The following TRERF1 variants were observed in gnomAD, a reference collection of about 807,000 sequenced individuals.
TRERF1 encodes the protein transcriptional regulating factor 1, also known as transcriptional-regulating factor 1.
A neutral mutation model predicts 122.9 loss-of-function variants in TRERF1; 27 were observed. That is an observed-to-expected ratio of 0.22 (90% CI 0.16 to 0.30). TRERF1 has a LOEUF of 0.30. TRERF1 is among the 10% of genes least tolerant of loss of function. The pLI is 1.00. For synonymous variants in TRERF1, 636 were observed against 641.7 expected (o/e 0.99, Z 0.13); for missense variants, 1,248 against 1,560.3 (o/e 0.80, Z 3.37).
rs753705174 is a variant in TRERF1 at position 42,264,730 on chromosome 6, T to C, written c.1609A>G (p.Met537Val). Residue 537 changes from methionine (M) to valine (V), a missense_variant, in exon 7 of 18, where the codon ATG (methionine) becomes GTG (valine). Met to Val is a conservative substitution (Grantham distance 21). Around this residue, in one of 5 missense-constraint regions of TRERF1, gnomAD observed 946 missense variants for 1,073.0 expected, o/e 0.88. Coordinates refer to ENST00000372922, the Ensembl canonical transcript of TRERF1. ...TGTTTGAGGTTGGGGGAGGCCCTCA[T>C]TCCCCCGTGGGACCGCATGTGGCCA... 9 of 1,614,008 alleles carry C rather than the reference T, an allele frequency of 5.6e-6. No individual in the cohort carries two copies. The Admixed American group carries it at 1.3e-4, about 24-fold the overall frequency.
chr6:42,286,795 T>C (rs1438816720), intron 4 of TRERF1, among the ~76,000 whole-genome samples: 2 of 131,980 alleles, frequency 1.5e-5, no homozygotes, highest in Non-Finnish European at 3.2e-5. Context: ...TTACTGGGTA[T>C]ATACCCAAAG....
At chr6:42,254,926 C>T in exon 13 of TRERF1, 4 of 1,614,092 alleles carry the variant, frequency 2.5e-6, no homozygotes, top group Non-Finnish European at 2.5e-6. Context: ...TCCAGAGCAA[C>T]CTGCAGACCC....
At chr6:42,429,161 A>T (rs999992331) in intron 2 of TRERF1, among the ~76,000 whole-genome samples, 2 of 152,214 alleles carry the variant, frequency 1.3e-5, no homozygotes, top group Non-Finnish European at 2.9e-5. Context: ...TTCTCTAGTG[A>T]CAGTATTCCT....
chr6:42,298,341 AG>A (rs1785457538), intron 4 of TRERF1, among the ~76,000 whole-genome samples: 1 of 151,260 alleles, frequency 6.6e-6, no homozygotes, highest in African/African-American at 2.4e-5. Flanking sequence ...TTTTTAGTAG[AG>A]ATGGGGTTTC....
chr6:42,436,899 C>T (rs1041074283), intron 2 of TRERF1, among the ~76,000 whole-genome samples: 1 of 144,936 alleles, frequency 6.9e-6, no homozygotes, highest in Non-Finnish European at 1.5e-5. Context: ...AGTCTTAACA[C>T]TAACAAAGCT....
intron 8 of TRERF1, among the ~76,000 whole-genome samples, chr6:42,262,741 T>A (rs2149827859): frequency 6.6e-6 from 1 of 152,332 alleles, no homozygotes; most frequent in Non-Finnish European, 1.5e-5. Context: ...TCAGTGGAAC[T>A]ACTTTGGGAA....
intron 3 of TRERF1, among the ~76,000 whole-genome samples, chr6:42,353,448 C>T (rs562391936): frequency 6.6e-6 from 1 of 151,976 alleles, no homozygotes; most frequent in East Asian, 1.9e-4. Context: ...ATCAGCTAGG[C>T]GTGGTGGCGG....
chr6:42,336,926 C>T (rs985674523), intron 3 of TRERF1, among the ~76,000 whole-genome samples: 1 of 152,180 alleles, frequency 6.6e-6, no homozygotes, highest in Non-Finnish European at 1.5e-5. Flanking sequence ...ATGGCATGAT[C>T]GTGGCTCCGG....
At chr6:42,238,835 T>TCACACA (rs58223539) in intron 15 of TRERF1, among the ~76,000 whole-genome samples, 10,768 of 142,988 alleles carry the variant, frequency 0.075, 435 homozygotes, top group Admixed American at 0.13. Context: ...ATCATGCATT[T>TCACACA]CACACACACA....
rs1308920222 is a variant in TRERF1, at chr6:42,277,897, AG to A, written c.-258-8050del. On this transcript the variant is annotated intron_variant, in intron 4 of 17. Transcript: ENST00000372922. Reference sequence around the variant, plus strand: ...AAGAAGGAAGAAGGAAGAAGGAAGAAGGAAGAAGGAAGAAGAAGAAGAAGAA... The same window carrying A: ...AAGAAGGAAGAAGGAAGAAGGAAGAAGAAGAAGGAAGAAGAAGAAGAAGAA... 1.1e-3 allele frequency among the ~76,000 whole-genome samples: 123 copies of A among 114,272 alleles called. 3 individuals are homozygous for A. Among genetic ancestry groups the A allele is most frequent in the African/African-American group, 3.0e-3 (80 of 26,634 alleles). The allele number at this position is 114,272 out of a possible 152,430, so 75.0% of individuals were successfully genotyped here.
chr6:42,330,199 A>T (rs1323792123), intron 3 of TRERF1, among the ~76,000 whole-genome samples: 1 of 152,236 alleles, frequency 6.6e-6, no homozygotes, highest in Non-Finnish European at 1.5e-5. Context: ...TGGCATGAAC[A>T]CACAAGAAAT....
chr6:42,241,119 C>T (rs903110800), intron 15 of TRERF1, among the ~76,000 whole-genome samples: 7 of 152,202 alleles, frequency 4.6e-5, no homozygotes, highest in East Asian at 1.9e-4. Flanking sequence ...CTCCTGACCT[C>T]GTGATCCACC....
At position 42,262,434 on chromosome 6, in the gene TRERF1, C is replaced by CAGAGAG. The variant is rs71778190; in HGVS notation, c.1884+880_1884+885dup. On this transcript the variant is annotated intron_variant, in intron 8 of 17. Transcript: ENST00000372922. ...ACACAGGTCACAAATTCCCTAGGGGCAGAGAGAGAGAGAGAGAGAGAGAGA... is the reference window on the plus strand; with the variant it reads ...ACACAGGTCACAAATTCCCTAGGGGCAGAGAGAGAGAGAGAGAGAGAGAGAGAGAGA... Among the ~76,000 whole-genome samples, 20 of 22,554 alleles carry CAGAGAG rather than the reference C, an allele frequency of 8.9e-4. 1 individual carries two copies. Among genetic ancestry groups the CAGAGAG allele is most frequent in the South Asian group, 5.0e-3 (3 of 604 alleles). 14.8% of individuals were successfully genotyped at this position (22,554 alleles called of 152,430 possible).
intron 2 of TRERF1, among the ~76,000 whole-genome samples, chr6:42,436,800 CAA>C (rs775861205): frequency 0.11 from 8,289 of 76,458 alleles, 389 homozygotes; most frequent in East Asian, 0.13. Context: ...TCTCCCTCTA[CAA>C]AAAAAAAAAA....
chr6:42,232,632 C>T lies in TRERF1; in HGVS notation c.3278+49G>A, dbSNP rs559525701. The T allele has an allele frequency of 7.4e-5, 113 of 1,521,744 alleles. No individual in the cohort carries two copies. Among genetic ancestry groups the T allele is most frequent in the South Asian group, 4.8e-4 (37 of 77,770 alleles). 94.3% of individuals were successfully genotyped at this position (1,521,744 alleles called of 1,614,324 possible). On this transcript the variant is annotated intron_variant, in intron 17 of 17. Coordinates refer to ENST00000372922, the Ensembl canonical transcript of TRERF1. This position sits in a 1 kb window ranked among gnomAD's most constrained non-coding sequence, Gnocchi z 4.5. ...CCATCCTGGCCCAGCTCCCATAGAG[C>T]GACTACCCATCATGAACTCAGATTC...
chr6:42,339,734 T>C (rs1766886757), intron 3 of TRERF1, among the ~76,000 whole-genome samples: 1 of 152,190 alleles, frequency 6.6e-6, no homozygotes, highest in East Asian at 1.9e-4. Context: ...CCTGAACAAG[T>C]AGCTCTCCTG....
chr6:42,319,679 T>TGGGG (rs1763065978), intron 3 of TRERF1, among the ~76,000 whole-genome samples: 1 of 151,556 alleles, frequency 6.6e-6, no homozygotes, highest in Non-Finnish European at 1.5e-5. Context: ...AAAAATTAAC[T>TGGGG]GGGTGTGATG....
chr6:42,260,954 T>C (rs943050998), intron 8 of TRERF1, among the ~76,000 whole-genome samples: 1 of 151,602 alleles, frequency 6.6e-6, no homozygotes, highest in Non-Finnish European at 1.5e-5. Flanking sequence ...AGGCAGAGAG[T>C]GGGGAAAGGA....
intron 3 of TRERF1, among the ~76,000 whole-genome samples, chr6:42,351,851 G>A (rs1285128867): frequency 1.3e-5 from 2 of 152,144 alleles, no homozygotes; most frequent in Non-Finnish European, 2.9e-5. Context: ...AAGACCCTAG[G>A]GAATGGAAGA....
Sources: allele counts gnomAD v4.1 joint callset (sites outside exome capture counted in the v4.1 genomes callset), GRCh38; gene constraint gnomAD v4.1.1; regional missense constraint gnomAD v4.1.1; non-coding constraint Gnocchi (gnomAD v3.1); transcripts MANE v1.5; gene names NCBI Gene and HGNC (gene_info 2026-07-23, HGNC 2026-07-21).